SINHCAF: variants seen among roughly 807,000 people sequenced by gnomAD.
The protein encoded by SINHCAF is SIN3-HDAC complex-associated factor.
SINHCAF carries 3 observed loss-of-function variants against 25.8 expected under a neutral mutation model. That is an observed-to-expected ratio of 0.12 (90% CI 0.05 to 0.30). The LOEUF is 0.30. Ranked by LOEUF, SINHCAF falls within the 10% of genes least tolerant of loss-of-function variation. SINHCAF has a pLI of 1.00. For missense variants in SINHCAF, 121 were observed against 262.3 expected, an observed-to-expected ratio of 0.46 and a Z score of 3.72; for synonymous variants, 70 against 85.5, an observed-to-expected ratio of 0.82 and a Z score of 1.00.
chr12:31,285,418 T>TACACATACACACACACAC (rs1555110958), intron 5 of SINHCAF, among the ~76,000 whole-genome samples: 12 of 141,356 alleles, frequency 8.5e-5, no homozygotes, highest in Non-Finnish European at 1.4e-4. Flanking sequence ...TATATATACA[T>TACACATACACACACACAC]ACACACACAC....
chr12:31,296,373 C>A (rs11051377), intron 2 of SINHCAF, among the ~76,000 whole-genome samples: 2,418 of 151,600 alleles, frequency 0.016, 25 homozygotes, highest in Non-Finnish European at 0.026. Context: ...GCCATGTTGC[C>A]CAGGCTGGTC....
chr12:31,309,530 A>AAGATTACAGGTGTGTGCCACCACGACTG (rs1939176598), intron 1 of SINHCAF, among the ~76,000 whole-genome samples: 1 of 152,204 alleles, frequency 6.6e-6, no homozygotes, highest in African/African-American at 2.4e-5. Flanking sequence ...GTAAAAGCTT[A>AAGATTACAGGTGTGTGCCACCACGACTG]GCTTCTGGCA....
Position 31,323,393 on chromosome 12 carries a change from C to G in SINHCAF, c.-21+2631G>C, listed in dbSNP as rs566658136. Among the ~76,000 whole-genome samples, 130 of 152,136 alleles carry G rather than the reference C, an allele frequency of 8.5e-4. 1 individual carries two copies. The highest frequency in any genetic ancestry group is 2.9e-3 in the African/African-American group (121 of 41,486). On this transcript the variant is annotated intron_variant, in intron 1 of 5. Coordinates refer to ENST00000337682, the MANE Select transcript of SINHCAF (RefSeq NM_001135812.2). ...GGTGCTTTCAGCGTACTCTGAATAA[C>G]AAGGTCAAATTCATTTTTAAATTAT...
intron 4 of SINHCAF, among the ~76,000 whole-genome samples, chr12:31,289,797 T>TG (rs988623832): frequency 1.8e-5 from 2 of 114,042 alleles, no homozygotes; most frequent in Non-Finnish European, 3.9e-5. Flanking sequence ...AAAGAAAATT[T>TG]GGGTTTTTTT....
intron 1 of SINHCAF, among the ~76,000 whole-genome samples, chr12:31,314,022 G>T (rs1332138877): frequency 6.6e-6 from 1 of 151,672 alleles, no homozygotes; most frequent in African/African-American, 2.4e-5. Flanking sequence ...ATCATAGGCT[G>T]TTCCCAGAAT....
At chr12:31,296,961 A>G (rs957042071) in intron 2 of SINHCAF, 3 of 425,410 alleles carry the variant, frequency 7.1e-6, no homozygotes. Context: ...CTTGAGCCCA[A>G]AAGTTCAAGG....
rs758751266 is a variant in SINHCAF at position 31,282,832 on chromosome 12, A to G, written c.546T>C (p.Phe182=). 8.1e-6 allele frequency: 13 copies of G among 1,611,606 alleles called. No homozygotes were observed. The highest frequency in any genetic ancestry group is 1.1e-5 in the Non-Finnish European group (13 of 1,179,326). ...ICCGIIYKGR[F]GEVLIDTHLF... is the part of the protein sequence containing the mutation. Reference sequence around the variant, plus strand: ...GATGTGTGTCAATGAGGACTTCCCCAAAACGGCCTTTATAGATGATCCCAC... The same window carrying G: ...GATGTGTGTCAATGAGGACTTCCCCGAAACGGCCTTTATAGATGATCCCAC... Residue 182 remains phenylalanine, a synonymous_variant, in exon 6 of 6, where the codon TTT becomes TTC. Transcript: ENST00000337682.
chr12:31,282,766 C>T lies in SINHCAF; in HGVS notation c.612G>A (p.Glu204=). ...PCCSNKKAAA[E]KPEEQGPEPL... The stretch of plus-strand genomic sequence containing the variant: ...GCTCTGGCCCCTGCTCCTCTGGCTT[C>T]TCAGCAGCTGCTTTCTTATTGCTGC... Residue 204 remains glutamate, a synonymous_variant, in exon 6 of 6, where the codon GAG becomes GAA. Transcript: ENST00000337682. 6.2e-7 allele frequency: 1 copy of T among 1,613,240 alleles called. No homozygotes were observed. The highest frequency in any genetic ancestry group is 8.5e-7 in the Non-Finnish European group (1 of 1,179,562).
intron 1 of SINHCAF, chr12:31,304,120 A>C (rs1938926098): frequency 1.8e-4 from 1 of 5,622 alleles, no homozygotes; most frequent in Admixed American, 2.8e-3. Context: ...ACTCTCCCTC[A>C]AAAAAAAAAA....
chr12:31,288,132 T>C (rs112524707), intron 4 of SINHCAF, among the ~76,000 whole-genome samples: 3 of 152,044 alleles, frequency 2.0e-5, no homozygotes, highest in African/African-American at 7.2e-5. Context: ...TGGATTTTCC[T>C]TTTGCCTCAT....
chr12:31,308,605 A>G (rs1051329581), intron 1 of SINHCAF, among the ~76,000 whole-genome samples: 9 of 152,094 alleles, frequency 5.9e-5, no homozygotes, highest in South Asian at 2.1e-4. Context: ...TGTCAGAGCA[A>G]AGGAGGAGGT....
chr12:31,293,262 C>T (rs1430870329), intron 4 of SINHCAF, among the ~76,000 whole-genome samples: 2 of 152,148 alleles, frequency 1.3e-5, no homozygotes, highest in Non-Finnish European at 2.9e-5. Flanking sequence ...CAGCAACCCC[C>T]CAAAACTTCC....
chr12:31,299,634 A>C (rs1043680415), intron 1 of SINHCAF, among the ~76,000 whole-genome samples: 1 of 152,040 alleles, frequency 6.6e-6, no homozygotes. Context: ...TATTAATATC[A>C]CTTTCGTGTC....
At position 31,311,480 on chromosome 12, in the gene SINHCAF, T is replaced by C. The variant is rs185430291; in HGVS notation, c.-20-13256A>G. ...TTAACTATGGCCCATAATTTGGCCTTCGACTAGGGTTGATAGAGAATCAGG... is the reference window on the plus strand; with the variant it reads ...TTAACTATGGCCCATAATTTGGCCTCCGACTAGGGTTGATAGAGAATCAGG... On this transcript the variant is annotated intron_variant, in intron 1 of 5. Coordinates refer to ENST00000337682, the MANE Select transcript of SINHCAF (RefSeq NM_001135812.2). 1,107 of 177,908 alleles carry C rather than the reference T, an allele frequency of 6.2e-3. 8 individuals carry two copies. Among genetic ancestry groups the C allele is most frequent in the Admixed American group, 9.4e-3 (156 of 16,606 alleles). 11.0% of individuals were successfully genotyped at this position (177,908 alleles called of 1,614,324 possible).
At chr12:31,307,572 G>A (rs369983362) in intron 1 of SINHCAF, among the ~76,000 whole-genome samples, 6 of 152,130 alleles carry the variant, frequency 3.9e-5, no homozygotes, top group African/African-American at 1.4e-4. Flanking sequence ...GAGAGAGAGA[G>A]AGAGTGGCAA....
intron 1 of SINHCAF, among the ~76,000 whole-genome samples, chr12:31,307,743 CTA>C (rs1389140826): frequency 6.6e-6 from 1 of 152,176 alleles, no homozygotes; most frequent in Non-Finnish European, 1.5e-5. Context: ...GACCCCATGA[CTA>C]TCTCTCCAAC....
intron 1 of SINHCAF, among the ~76,000 whole-genome samples, chr12:31,314,961 T>C (rs911446835): frequency 1.3e-5 from 2 of 152,226 alleles, no homozygotes; most frequent in African/African-American, 2.4e-5. Context: ...TTAGTCGATT[T>C]AGAGGATTTG....
At chr12:31,294,211 G>C (rs992572566) in intron 3 of SINHCAF, among the ~76,000 whole-genome samples, 8 of 152,278 alleles carry the variant, frequency 5.3e-5, no homozygotes, top group Non-Finnish European at 8.8e-5. Context: ...GGATGACCCA[G>C]CTAGGTTAAG....
intron 3 of SINHCAF, among the ~76,000 whole-genome samples, chr12:31,294,511 C>T (rs951591790): frequency 8.5e-5 from 13 of 152,236 alleles, no homozygotes; most frequent in African/African-American, 2.4e-4. Context: ...GTGAGTTACA[C>T]GACAGCAATA....
Sources: gnomAD v4.1 joint callset for allele counts (sites outside exome capture counted in the v4.1 genomes callset) on GRCh38, gnomAD v4.1.1 for gene constraint, MANE v1.5 for transcripts, NCBI Gene and HGNC (gene_info 2026-07-23, HGNC 2026-07-21) for gene names.